Variants in DLG2 observed in about 807,000 individuals in gnomAD.
DLG2 encodes the protein discs large MAGUK scaffold protein 2.
A neutral mutation model predicts 132.5 loss-of-function variants in DLG2; 45 were observed. The observed-to-expected ratio is 0.34, with a 90% CI of 0.27 to 0.44. The LOEUF (loss-of-function observed/expected upper bound fraction) is 0.44, where lower values mean the gene tolerates loss of function less well. Ranked by LOEUF, DLG2 falls within the 20% of genes least tolerant of loss-of-function variation. The pLI is 1.00. For synonymous variants in DLG2, 424 were observed against 419.6 expected (o/e 1.01, Z -0.13); for missense variants, 1,045 against 1,196.9 (o/e 0.87, Z 1.87).
chr11:85,031,274 T>A (rs1436894535), intron 6 of DLG2, among the ~76,000 whole-genome samples: 1 of 152,084 alleles, frequency 6.6e-6, no homozygotes, highest in Admixed American at 6.5e-5. Flanking sequence ...TTTCCTGATA[T>A]GTTATTCACC....
chr11:84,937,625 T>C (rs1201234571), intron 6 of DLG2, among the ~76,000 whole-genome samples: 1 of 152,122 alleles, frequency 6.6e-6, no homozygotes, highest in Non-Finnish European at 1.5e-5. Context: ...GAAAGGCATT[T>C]CTTACCAAGG....
chr11:85,426,097 C>T (rs2090706524), intron 3 of DLG2, among the ~76,000 whole-genome samples: 1 of 152,328 alleles, frequency 6.6e-6, no homozygotes, highest in African/African-American at 2.4e-5. Flanking sequence ...GGGAGGGGCG[C>T]CCGCCATTGC....
chr11:85,134,968 ACT>A (rs1363502486), intron 5 of DLG2, among the ~76,000 whole-genome samples: 1 of 152,178 alleles, frequency 6.6e-6, no homozygotes, highest in African/African-American at 2.4e-5. Flanking sequence ...CCATTAGGTA[ACT>A]CTGTCTTATG....
intron 7 of DLG2, among the ~76,000 whole-genome samples, chr11:84,504,097 AC>A (rs1246787405): frequency 6.6e-6 from 1 of 152,184 alleles, no homozygotes; most frequent in Non-Finnish European, 1.5e-5. Flanking sequence ...ATTACTATAG[AC>A]CAAACTGTAC....
intron 19 of DLG2, among the ~76,000 whole-genome samples, chr11:83,595,802 AAG>A (rs2057480499): frequency 6.6e-6 from 1 of 152,232 alleles, no homozygotes; most frequent in African/African-American, 2.4e-5. Context: ...AATGGATGAC[AAG>A]AGTTTCAAAA....
rs187699813 is a variant in DLG2 at position 84,246,797 on chromosome 11, G to A, written c.573+4441C>T. ...TTGGAATGTGTCATCCATGGATAAGGTGAGACTACTGTATTCTGCAGCCTG... is the reference window on the plus strand; with the variant it reads ...TTGGAATGTGTCATCCATGGATAAGATGAGACTACTGTATTCTGCAGCCTG... On this transcript the variant is annotated intron_variant, in intron 8 of 27. Coordinates refer to ENST00000376104, the MANE Select transcript of DLG2 (RefSeq NM_001142699.3). Among the ~76,000 whole-genome samples the A allele has an allele frequency of 9.0e-4, 137 of 152,284 alleles. No homozygotes were observed. The South Asian group carries it at 0.015, about 17-fold the overall frequency.
intron 4 of DLG2, among the ~76,000 whole-genome samples, chr11:85,237,965 A>G (rs1211029589): frequency 6.6e-6 from 1 of 152,060 alleles, no homozygotes; most frequent in East Asian, 1.9e-4. Context: ...ATATTATAGT[A>G]GAGTTTGCCT....
chr11:85,164,111 T>C (rs767617158), intron 4 of DLG2, among the ~76,000 whole-genome samples: 1 of 152,222 alleles, frequency 6.6e-6, no homozygotes, highest in Non-Finnish European at 1.5e-5. Context: ...GTTGCCTTGT[T>C]ATGCAGATCA....
Position 84,453,572 on chromosome 11 carries a change from G to A in DLG2, c.519+80998C>T, listed in dbSNP as rs11234032. 2.4e-3 allele frequency among the ~76,000 whole-genome samples: 358 copies of A among 151,666 alleles called. 3 individuals carry two copies. Among genetic ancestry groups the A allele is most frequent in the African/African-American group, 8.2e-3 (341 of 41,454 alleles). On this transcript the variant is annotated intron_variant, in intron 7 of 27. Coordinates refer to ENST00000376104, the MANE Select transcript of DLG2 (RefSeq NM_001142699.3). ...GTTTATATTGTAGATATTTTGCTTC[G>A]TGTGGTTAAGATGACTACCAAATCT...
intron 16 of DLG2, among the ~76,000 whole-genome samples, chr11:83,845,832 T>C (rs1263657275): frequency 1.3e-5 from 2 of 149,290 alleles, no homozygotes; most frequent in African/African-American, 4.9e-5. Context: ...TGTAGTTTCT[T>C]GAGGTCTTGC....
At chr11:83,787,562 C>G (rs904150351) in intron 17 of DLG2, among the ~76,000 whole-genome samples, 21 of 151,878 alleles carry the variant, frequency 1.4e-4, no homozygotes, top group African/African-American at 4.8e-4. Flanking sequence ...ACCTCGTGAT[C>G]CGCCTGCCTC....
rs2071420980 is a variant in DLG2, at chr11:85,104,761, C to A, written c.357+6900G>T. Among the ~76,000 whole-genome samples the A allele has an allele frequency of 2.0e-5, 3 of 149,360 alleles. No individual in the cohort carries two copies. The South Asian group carries it at 6.3e-4, about 31-fold the overall frequency. ...GTTAAAGGATTGAAAAACAAAAAAACTGATGGAAAACAACAATAAGAGCAC... is the reference window on the plus strand; with the variant it reads ...GTTAAAGGATTGAAAAACAAAAAAAATGATGGAAAACAACAATAAGAGCAC... On this transcript the variant is annotated intron_variant, in intron 6 of 27. Transcript: ENST00000376104.
chr11:84,972,402 G>C (rs1307762312), intron 6 of DLG2, among the ~76,000 whole-genome samples: 1 of 152,200 alleles, frequency 6.6e-6, no homozygotes, highest in East Asian at 1.9e-4. Context: ...AATACATGCT[G>C]ATGTCAGTTT....
At chr11:85,428,138 A>T (rs575181349) in intron 3 of DLG2, among the ~76,000 whole-genome samples, 24 of 152,336 alleles carry the variant, frequency 1.6e-4, no homozygotes, top group African/African-American at 4.8e-4. Flanking sequence ...AAGTCCTGAG[A>T]GACCTAAAAA....
At chr11:85,385,834 G>A (rs185002709) in intron 3 of DLG2, among the ~76,000 whole-genome samples, 243 of 152,250 alleles carry the variant, frequency 1.6e-3, no homozygotes, top group Admixed American at 6.9e-3. Context: ...ATGATCTTAA[G>A]AACTAATAAA....
chr11:84,956,566 C>T (rs571847838), intron 6 of DLG2, among the ~76,000 whole-genome samples: 1 of 152,136 alleles, frequency 6.6e-6, no homozygotes, highest in Non-Finnish European at 1.5e-5. Flanking sequence ...TCTTCAACTT[C>T]CTAGGATATA....
intron 11 of DLG2, among the ~76,000 whole-genome samples, chr11:83,992,351 A>G (rs1289744482): frequency 6.6e-6 from 1 of 152,124 alleles, no homozygotes; most frequent in Non-Finnish European, 1.5e-5. Context: ...AATAGTGGCT[A>G]TGGGAGCATA....
At chr11:85,322,529 G>A (rs1159760336) in intron 3 of DLG2, among the ~76,000 whole-genome samples, 1 of 152,126 alleles carries the variant, frequency 6.6e-6, no homozygotes, top group Admixed American at 6.5e-5. Context: ...GCTTCCCTAT[G>A]TAGACTGTTC....
At chr11:84,353,963 C>G (rs2098596738) in intron 7 of DLG2, among the ~76,000 whole-genome samples, 1 of 152,126 alleles carries the variant, frequency 6.6e-6, no homozygotes, top group African/African-American at 2.4e-5. Context: ...TTCCTCTCCT[C>G]CATAGCACTT....
Sources: allele counts gnomAD v4.1 joint callset (sites outside exome capture counted in the v4.1 genomes callset), GRCh38; gene constraint gnomAD v4.1.1; transcripts MANE v1.5; gene names NCBI Gene and HGNC (gene_info 2026-07-23, HGNC 2026-07-21).